The following FAM184B variants were observed in gnomAD, a reference collection of about 807,000 sequenced individuals.
The protein encoded by FAM184B is protein FAM184B.
Under a neutral mutation model 135.9 loss-of-function variants are expected in FAM184B, and 111 were observed. The ratio of observed to expected loss-of-function variants is 0.82; its 90% CI spans 0.70 to 0.96. The LOEUF (loss-of-function observed/expected upper bound fraction) is 0.96. Among genes scored for constraint, FAM184B ranks in the 40% least tolerant of loss-of-function variants. The pLI, the probability that FAM184B is intolerant of heterozygous loss-of-function variation, is 0.00. For missense variants in FAM184B, 1,375 were observed against 1,323.9 expected (o/e 1.04, Z -0.60); for synonymous variants, 552 against 524.8 (o/e 1.05, Z -0.71).
intron 1 of FAM184B, among the ~76,000 whole-genome samples, chr4:17,716,580 A>G (rs1717404758): frequency 6.6e-6 from 1 of 152,120 alleles, no homozygotes; most frequent in Non-Finnish European, 1.5e-5. Context: ...TCCTGGGCTC[A>G]AGTCATCTGC....
At chr4:17,687,986 G>A (rs763671768) in intron 7 of FAM184B, among the ~76,000 whole-genome samples, 11 of 152,102 alleles carry the variant, frequency 7.2e-5, no homozygotes, top group East Asian at 3.8e-4. Context: ...CTCAAGCGGC[G>A]TCCCTGAAAC....
At chr4:17,665,572 A>ATCT (rs2108945098) in intron 7 of FAM184B, among the ~76,000 whole-genome samples, 1 of 152,302 alleles carries the variant, frequency 6.6e-6, no homozygotes, top group East Asian at 1.9e-4. Context: ...TGTGAAACAA[A>ATCT]GGGGCTGGCT....
chr4:17,758,810 C>T (rs1209049235), intron 1 of FAM184B, among the ~76,000 whole-genome samples: 2 of 151,970 alleles, frequency 1.3e-5, no homozygotes, highest in African/African-American at 2.4e-5. Context: ...ACTGGCACAT[C>T]GATCGTGGTG....
intron 8 of FAM184B, among the ~76,000 whole-genome samples, chr4:17,662,124 T>C (rs1185858580): frequency 6.6e-6 from 1 of 152,192 alleles, no homozygotes; most frequent in African/African-American, 2.4e-5. Context: ...CCAGGTTATG[T>C]TGCTCCTCAT....
intron 10 of FAM184B, among the ~76,000 whole-genome samples, chr4:17,655,213 C>G (rs1381516198): frequency 6.6e-6 from 1 of 152,206 alleles, no homozygotes; most frequent in East Asian, 1.9e-4. Flanking sequence ...CCTCCTCTTT[C>G]CCTTGCTGCA....
chr4:17,663,212 CAG>C (rs1715959868), intron 8 of FAM184B, among the ~76,000 whole-genome samples: 1 of 152,204 alleles, frequency 6.6e-6, no homozygotes, highest in Admixed American at 6.5e-5. Context: ...GCTAAGATTA[CAG>C]ACATGAGCCA....
At chr4:17,634,376 T>G (rs531907448) in intron 16 of FAM184B, among the ~76,000 whole-genome samples, 1 of 152,298 alleles carries the variant, frequency 6.6e-6, no homozygotes, top group South Asian at 2.1e-4. Flanking sequence ...CAAGCTGGAG[T>G]ACGGTGGTGC....
At chr4:17,634,715 AC>A (rs1307115859) in intron 16 of FAM184B, among the ~76,000 whole-genome samples, 1 of 152,228 alleles carries the variant, frequency 6.6e-6, no homozygotes, top group African/African-American at 2.4e-5. Flanking sequence ...AAAAATATGT[AC>A]AGAAATAGTT....
At chr4:17,758,126 T>C (rs1464743622) in intron 1 of FAM184B, among the ~76,000 whole-genome samples, 1 of 152,230 alleles carries the variant, frequency 6.6e-6, no homozygotes, top group Non-Finnish European at 1.5e-5. Flanking sequence ...TAAGGTTCTC[T>C]AGTCTCCAGT....
intron 5 of FAM184B, among the ~76,000 whole-genome samples, chr4:17,704,513 A>G (rs1157390977): frequency 2.0e-5 from 3 of 152,158 alleles, no homozygotes; most frequent in African/African-American, 7.2e-5. Context: ...ACAAGGTGCT[A>G]TTATTGTCAT....
intron 7 of FAM184B, among the ~76,000 whole-genome samples, chr4:17,682,558 G>T (rs1236661883): frequency 1.3e-5 from 2 of 151,970 alleles, no homozygotes; most frequent in Non-Finnish European, 2.9e-5. Flanking sequence ...GAGTACAGTG[G>T]CACAGTCTTG....
Position 17,646,230 on chromosome 4 carries a change from T to A in FAM184B, c.2346+1407A>T, listed in dbSNP as rs925729221. Among the ~76,000 whole-genome samples, 26 of 152,106 alleles carry A rather than the reference T, an allele frequency of 1.7e-4. No individual in the cohort carries two copies. In the South Asian group the frequency reaches 4.4e-3, roughly 26 times the overall value. ...TTGACCCAGCCATCCCATTACTGGG[T>A]ATATACCCAAAGGATTATAAATCAT... On this transcript the variant is annotated intron_variant, in intron 12 of 17. Coordinates refer to ENST00000265018, the MANE Select transcript of FAM184B (RefSeq NM_015688.2).
At chr4:17,633,911 T>TAGTGC in intron 16 of FAM184B, 23 bp from the exon 17 acceptor site, 1 of 1,473,098 alleles carries the variant, frequency 6.8e-7, no homozygotes, top group Non-Finnish European at 9.0e-7. Flanking sequence ...ATGGACAGGT[T>TAGTGC]AGTGCAATGC....
intron 1 of FAM184B, among the ~76,000 whole-genome samples, chr4:17,767,296 A>T (rs1185692041): frequency 6.6e-6 from 1 of 152,194 alleles, no homozygotes; most frequent in Admixed American, 6.5e-5. Flanking sequence ...GCGTGGCCAG[A>T]GTGGGCTCCG....
rs1577298293 is a variant in FAM184B at position 17,773,275 on chromosome 4, A to C, written c.141+7884T>G. Among the ~76,000 whole-genome samples, 3 of 152,378 alleles carry C rather than the reference A, an allele frequency of 2.0e-5. No homozygotes were observed. In the South Asian group the frequency reaches 6.2e-4, roughly 32 times the overall value. Reference sequence around the variant, plus strand: ...ATGTCAAAGGCTTTGCAAAGTATGCAAAACTAAAGAATCGTAAGGTGTTCC... The same window carrying C: ...ATGTCAAAGGCTTTGCAAAGTATGCCAAACTAAAGAATCGTAAGGTGTTCC... On this transcript the variant is annotated intron_variant, in intron 1 of 17. Transcript: ENST00000265018.
intron 7 of FAM184B, among the ~76,000 whole-genome samples, chr4:17,672,317 A>G (rs1424127198): frequency 6.6e-6 from 1 of 152,140 alleles, no homozygotes; most frequent in Non-Finnish European, 1.5e-5. Flanking sequence ...AAAATAAAAG[A>G]AAGTTTGACT....
chr4:17,698,089 C>A (rs1001841289), intron 5 of FAM184B, among the ~76,000 whole-genome samples: 8 of 149,502 alleles, frequency 5.4e-5, no homozygotes, highest in Non-Finnish European at 7.4e-5. Context: ...AAAAAAAAAA[C>A]AAACAAAAAA....
rs753434243 is a variant in FAM184B at position 17,632,544 on chromosome 4, G to C, written c.3171C>G (p.Tyr1057Ter). The C allele has an allele frequency of 7.5e-5, 116 of 1,550,852 alleles. No homozygotes were observed. The highest frequency in any genetic ancestry group is 1.4e-4 in the Admixed American group (7 of 50,950). ...CCCAAAGGTTAGCTTAGAAAGAAAA[G>C]TACTTGGTGAACCATTCCTGGTGCG... ...GSPHQEWFTKYFSF is the reference protein window; with the variant it reads ...GSPHQEWFTK Residue 1057 changes from tyrosine to a stop codon, truncating the protein, a stop_gained, in exon 18 of 18, where the codon TAC (tyrosine) becomes TAG (stop). Coordinates refer to ENST00000265018, the MANE Select transcript of FAM184B (RefSeq NM_015688.2). LOFTEE classifies it high-confidence loss of function.
chr4:17,748,714 AT>A (rs1050562336), intron 1 of FAM184B, among the ~76,000 whole-genome samples: 7 of 151,828 alleles, frequency 4.6e-5, no homozygotes, highest in African/African-American at 1.7e-4. Context: ...ACGAGGTCTT[AT>A]TATATTGCCC....
Sources: gnomAD v4.1 joint callset for allele counts (sites outside exome capture counted in the v4.1 genomes callset) on GRCh38, gnomAD v4.1.1 for gene constraint, MANE v1.5 for transcripts, NCBI Gene and HGNC (gene_info 2026-07-23, HGNC 2026-07-21) for gene names.